GABRG3: variants seen among roughly 807,000 people sequenced by gnomAD.
GABRG3 encodes gamma-aminobutyric acid receptor subunit gamma-3.
A neutral mutation model predicts 48.8 loss-of-function variants in GABRG3; 25 were observed. The observed-to-expected ratio is 0.51, with a 90% CI of 0.37 to 0.72. The LOEUF (loss-of-function observed/expected upper bound fraction) is 0.72. Among genes scored for constraint, GABRG3 ranks in the 30% least tolerant of loss-of-function variants. The pLI, the probability that GABRG3 is intolerant of heterozygous loss-of-function variation, is 0.00. For missense variants in GABRG3, 394 were observed against 577.9 expected (o/e 0.68, Z 3.26); for synonymous variants, 227 against 217.6 (o/e 1.04, Z -0.38).
At chr15:27,241,065 C>G (rs557636714) in intron 3 of GABRG3, among the ~76,000 whole-genome samples, 1 of 152,336 alleles carries the variant, frequency 6.6e-6, no homozygotes, top group South Asian at 2.1e-4. Context: ...CAGATTATCT[C>G]AAGCATCCAT....
chr15:26,977,247 G>A, intron 2 of GABRG3, 97 bp downstream of exon 2: 2 of 1,297,902 alleles, frequency 1.5e-6, no homozygotes, highest in South Asian at 2.8e-5. Context: ...GTATTGCAAA[G>A]ATAGTGCAGA....
intron 5 of GABRG3, among the ~76,000 whole-genome samples, chr15:27,451,382 T>C (rs1324604136): frequency 6.6e-6 from 1 of 152,108 alleles, no homozygotes; most frequent in Non-Finnish European, 1.5e-5. Context: ...GAAATAAATT[T>C]ATGCATTTCT....
intron 3 of GABRG3, 149 bp downstream of exon 3, chr15:27,026,970 T>C (rs371830389): frequency 4.4e-6 from 2 of 450,370 alleles, no homozygotes; most frequent in African/African-American, 3.5e-5. Context: ...ATATTGAAAA[T>C]GGTAAAAAAA....
intron 6 of GABRG3, among the ~76,000 whole-genome samples, chr15:27,494,973 A>G (rs1336837040): frequency 6.6e-6 from 1 of 152,180 alleles, no homozygotes; most frequent in Non-Finnish European, 1.5e-5. Context: ...ATTTAGTGCT[A>G]TAAAACTCTC....
intron 3 of GABRG3, among the ~76,000 whole-genome samples, chr15:27,231,588 G>A (rs552528595): frequency 6.6e-6 from 1 of 152,218 alleles, no homozygotes; most frequent in Non-Finnish European, 1.5e-5. Context: ...AAAACCCAAC[G>A]TTAGTGACTC....
At chr15:27,384,880 A>G (rs969977906) in intron 5 of GABRG3, among the ~76,000 whole-genome samples, 2 of 152,080 alleles carry the variant, frequency 1.3e-5, no homozygotes, top group African/African-American at 2.4e-5. Flanking sequence ...ACTTCTCTTG[A>G]TTTATATTTA....
intron 6 of GABRG3, among the ~76,000 whole-genome samples, chr15:27,517,207 T>C (rs951028524): frequency 6.6e-6 from 1 of 152,146 alleles, no homozygotes; most frequent in Admixed American, 6.5e-5. Flanking sequence ...TCCTCCGTCA[T>C]TGCCAGTATC....
At chr15:27,202,632 T>G (rs2140429699) in intron 3 of GABRG3, among the ~76,000 whole-genome samples, 1 of 152,326 alleles carries the variant, frequency 6.6e-6, no homozygotes, top group South Asian at 2.1e-4. Flanking sequence ...GGTGTCATAT[T>G]ATTGCTTTAT....
At chr15:27,360,400 A>C (rs1290120609) in intron 5 of GABRG3, among the ~76,000 whole-genome samples, 1 of 152,192 alleles carries the variant, frequency 6.6e-6, no homozygotes, top group Non-Finnish European at 1.5e-5. Flanking sequence ...TCCATCTGGG[A>C]GTTATGGAGC....
intron 2 of GABRG3, among the ~76,000 whole-genome samples, chr15:27,019,494 T>A (rs1395287054): frequency 1.3e-5 from 2 of 152,202 alleles, no homozygotes; most frequent in African/African-American, 4.8e-5. Flanking sequence ...CTATTTTAAC[T>A]TCCTCTCTGT....
At chr15:27,501,543 A>C (rs1184679991) in intron 6 of GABRG3, among the ~76,000 whole-genome samples, 1 of 152,126 alleles carries the variant, frequency 6.6e-6, no homozygotes, top group African/African-American at 2.4e-5. Flanking sequence ...AGTCTCCTGC[A>C]ATCTACTGCA....
chr15:27,221,389 A>G (rs1213798753), intron 3 of GABRG3, among the ~76,000 whole-genome samples: 2 of 152,202 alleles, frequency 1.3e-5, no homozygotes, highest in African/African-American at 4.8e-5. Context: ...ATCACAAAGC[A>G]TATTGATAAC....
intron 2 of GABRG3, among the ~76,000 whole-genome samples, chr15:27,002,823 G>C (rs1158024860): frequency 1.3e-5 from 2 of 151,356 alleles, no homozygotes; most frequent in African/African-American, 4.8e-5. Context: ...GAAATAGCTA[G>C]ATCTGGTGGT....
At chr15:27,050,159 A>T (rs1285730064) in intron 3 of GABRG3, among the ~76,000 whole-genome samples, 1 of 152,196 alleles carries the variant, frequency 6.6e-6, no homozygotes, top group African/African-American at 2.4e-5. Context: ...TAGTCTCTAT[A>T]TTGGGCATGG....
At chr15:27,201,163 C>G (rs568693150) in intron 3 of GABRG3, among the ~76,000 whole-genome samples, 1 of 151,996 alleles carries the variant, frequency 6.6e-6, no homozygotes, top group Non-Finnish European at 1.5e-5. Context: ...CTCTGTTGAG[C>G]ACCTGTTGAG....
chr15:27,257,535 T>A (rs1890657960), intron 3 of GABRG3, among the ~76,000 whole-genome samples: 1 of 152,222 alleles, frequency 6.6e-6, no homozygotes, highest in Non-Finnish European at 1.5e-5. Context: ...TTTAAGATAT[T>A]TCTGAGTTGA....
At chr15:27,316,203 C>A (rs561541847) in intron 3 of GABRG3, among the ~76,000 whole-genome samples, 1 of 151,876 alleles carries the variant, frequency 6.6e-6, no homozygotes, top group Admixed American at 6.6e-5. Context: ...GCTAAAAAAA[C>A]GGTGAAACCC....
At chr15:27,178,047 A>G (rs550427448) in intron 3 of GABRG3, among the ~76,000 whole-genome samples, 3 of 151,734 alleles carry the variant, frequency 2.0e-5, no homozygotes, top group South Asian at 2.1e-4. Flanking sequence ...TCAATCAGGT[A>G]TTGAGGGGGG....
chr15:27,320,070 G>A (rs1281967636), intron 3 of GABRG3, among the ~76,000 whole-genome samples: 1 of 152,132 alleles, frequency 6.6e-6, no homozygotes, highest in African/African-American at 2.4e-5. Flanking sequence ...CTCCTAGCCA[G>A]AGGCAAACTT....
Sources: gnomAD v4.1 joint callset for allele counts (sites outside exome capture counted in the v4.1 genomes callset) on GRCh38, gnomAD v4.1.1 for gene constraint, MANE v1.5 for transcripts, NCBI Gene and HGNC (gene_info 2026-07-23, HGNC 2026-07-21) for gene names.